Variants in CDADC1 observed in about 807,000 individuals in gnomAD.
The protein encoded by CDADC1 is dCTP deaminase.
In CDADC1, 39 loss-of-function variants were observed where a neutral mutation model predicts 54.9. The observed-to-expected ratio is 0.71, with a 90% CI of 0.55 to 0.93. The LOEUF is 0.93. Ranked by LOEUF, CDADC1 falls within the 40% of genes least tolerant of loss-of-function variation. The pLI, the probability that CDADC1 is intolerant of heterozygous loss-of-function variation, is 0.00. For missense variants in CDADC1, 518 were observed against 618.8 expected, an observed-to-expected ratio of 0.84 and a Z score of 1.73; for synonymous variants, 186 against 204.0, an observed-to-expected ratio of 0.91 and a Z score of 0.75.
chr13:49,283,443 G>A (rs188930150), intron 8 of CDADC1, among the ~76,000 whole-genome samples: 9 of 152,162 alleles, frequency 5.9e-5, no homozygotes, highest in Non-Finnish European at 1.0e-4. Context: ...CTCTACTTCC[G>A]TGTTTTTGTT....
chr13:49,269,056 G>GA (rs904929825), intron 5 of CDADC1, among the ~76,000 whole-genome samples: 10 of 152,084 alleles, frequency 6.6e-5, no homozygotes, highest in African/African-American at 2.2e-4. Flanking sequence ...TGATAAAGGG[G>GA]AAAAAACATA....
chr13:49,286,702 T>G lies in CDADC1; in HGVS notation c.1471+420T>G, dbSNP rs540247400. On this transcript the variant is annotated intron_variant, in intron 9 of 9. Coordinates refer to ENST00000251108, the MANE Select transcript of CDADC1 (RefSeq NM_030911.4). ...AGAGTAAACCCACATTTGCCCAGAT[T>G]GGAAATGTTCTGGTAACTTGAATAA... Among the ~76,000 whole-genome samples the G allele has an allele frequency of 4.6e-5, 7 of 152,318 alleles. No homozygotes were observed. In the East Asian group the frequency reaches 1.2e-3, roughly 25 times the overall value.
intron 4 of CDADC1, among the ~76,000 whole-genome samples, chr13:49,264,646 A>T (rs1253815451): frequency 2.7e-5 from 4 of 150,460 alleles, no homozygotes; most frequent in Admixed American, 2.0e-4. Context: ...TTGGTAGAGT[A>T]TGGGAGTTAG....
In CDADC1 at chr13:49,267,723, G is replaced by T; in HGVS notation, c.664G>T (p.Asp222Tyr). ...FIQKITKTLP[D>Y]ANTDFYYECK... The stretch of plus-strand genomic sequence containing the variant: ...TCAAAAAATTACAAAAACATTGCCG[G>T]ATGCTAACACTGACTTTTATTATGA... Residue 222 changes from aspartate (D) to tyrosine (Y), a missense_variant, in exon 5 of 10, where the codon GAT (aspartate) becomes TAT (tyrosine). Physicochemically the swap from Asp to Tyr is radical, Grantham distance 160 (BLOSUM62 -3). Coordinates refer to ENST00000251108, the MANE Select transcript of CDADC1 (RefSeq NM_030911.4). The T allele has an allele frequency of 1.2e-6, 2 of 1,612,006 alleles. No individual in the cohort carries two copies. Among genetic ancestry groups the T allele is most frequent in the Non-Finnish European group, 1.7e-6 (2 of 1,179,018 alleles).
chr13:49,284,269 TAGA>T (rs1953442309), intron 8 of CDADC1, among the ~76,000 whole-genome samples: 1 of 152,224 alleles, frequency 6.6e-6, no homozygotes, highest in Non-Finnish European at 1.5e-5. Flanking sequence ...ATGCTCATTG[TAGA>T]AGACTAGGAA....
intron 5 of CDADC1, among the ~76,000 whole-genome samples, chr13:49,272,086 T>C (rs1952980436): frequency 6.6e-6 from 1 of 152,202 alleles, no homozygotes; most frequent in Non-Finnish European, 1.5e-5. Flanking sequence ...TAACAAGGTT[T>C]AGTCTGTCCC....
chr13:49,270,395 A>AT (rs1952936341), intron 5 of CDADC1, among the ~76,000 whole-genome samples: 2 of 151,826 alleles, frequency 1.3e-5, no homozygotes, highest in Admixed American at 1.3e-4. Context: ...CCAATTTTTA[A>AT]TTTTTTGTAG....
intron 1 of CDADC1, chr13:49,248,484 C>T: frequency 3.0e-6 from 1 of 333,364 alleles, no homozygotes; most frequent in South Asian, 5.9e-5. Flanking sequence ...GCGCATTTTT[C>T]GGGTTGTGTT....
chr13:49,254,639 G>A (rs1952504807), intron 2 of CDADC1, among the ~76,000 whole-genome samples: 2 of 152,126 alleles, frequency 1.3e-5, no homozygotes, highest in African/African-American at 2.4e-5. Flanking sequence ...TTGACCTCGT[G>A]ATCTGTCCGC....
chr13:49,259,367 G>T lies in CDADC1; in HGVS notation c.274G>T (p.Val92Leu). ...KRQVKRTGLVVVKNMKIVGLH... is the reference protein window; with the variant it reads ...KRQVKRTGLVLVKNMKIVGLH... The stretch of plus-strand genomic sequence containing the variant: ...GTAGGTAAAGAGAACTGGTCTTGTG[G>T]TGGTGAAAAACATGAAAATTGTTGG... Residue 92 changes from valine to leucine, a missense_variant, in exon 4 of 10, where the codon GTG becomes TTG. Val to Leu is a conservative substitution (Grantham distance 32, BLOSUM62 1). Transcript: ENST00000251108. The T allele has an allele frequency of 1.2e-6, 2 of 1,612,436 alleles. No individual in the cohort carries two copies. Among genetic ancestry groups the T allele is most frequent in the Non-Finnish European group, 1.7e-6 (2 of 1,178,888 alleles).
intron 3 of CDADC1, among the ~76,000 whole-genome samples, chr13:49,257,567 G>A (rs9562873): frequency 0.3 from 44,897 of 152,074 alleles, 6,760 homozygotes; most frequent in East Asian, 0.51. Context: ...TCCAGAGATC[G>A]AGACCATCCT....
chr13:49,282,262 G>GTTTTTGTTTTTTT (rs1953372585), intron 8 of CDADC1, among the ~76,000 whole-genome samples: 1 of 45,500 alleles, frequency 2.2e-5, no homozygotes, highest in South Asian at 7.2e-4. Context: ...TTTTGCTTTT[G>GTTTTTGTTTTTTT]TTTTTGTTTT....
At chr13:49,262,814 C>T (rs1405754888) in intron 4 of CDADC1, among the ~76,000 whole-genome samples, 1 of 152,164 alleles carries the variant, frequency 6.6e-6, no homozygotes, top group East Asian at 1.9e-4. Flanking sequence ...AGGCGTGAAC[C>T]ACTGCACCCA....
chr13:49,269,494 A>G (rs1952910421), intron 5 of CDADC1, among the ~76,000 whole-genome samples: 1 of 152,190 alleles, frequency 6.6e-6, no homozygotes, highest in African/African-American at 2.4e-5. Flanking sequence ...TTGATTCTGT[A>G]GGCACACATT....
rs1345728460 is a variant in CDADC1 at position 49,292,611 on chromosome 13, C to A, written c.*854C>A. The stretch of plus-strand genomic sequence containing the variant: ...TGGCTTTGATCTTCAAAAGGAAGAG[C>A]CTTTTAAAAACATTTGCCAACCTCA... On this transcript the variant is annotated 3_prime_UTR_variant, in exon 10 of 10. Transcript: ENST00000251108. 4 of 1,163,542 alleles carry A rather than the reference C, an allele frequency of 3.4e-6. No homozygotes were observed. Among genetic ancestry groups the A allele is most frequent in the African/African-American group, 3.2e-5 (2 of 61,940 alleles). The allele number at this position is 1,163,542 out of a possible 1,614,324, so 72.1% of individuals were successfully genotyped here.
At chr13:49,254,777 C>T (rs1283992909) in intron 2 of CDADC1, among the ~76,000 whole-genome samples, 1 of 152,172 alleles carries the variant, frequency 6.6e-6, no homozygotes, top group Non-Finnish European at 1.5e-5. Context: ...AGTCACTTTC[C>T]TGTTTTCATA....
chr13:49,268,768 CATT>C (rs536131666), intron 5 of CDADC1, among the ~76,000 whole-genome samples: 25 of 152,262 alleles, frequency 1.6e-4, no homozygotes, highest in African/African-American at 4.6e-4. Flanking sequence ...TTTACAATAA[CATT>C]AATTCAAAAT....
intron 6 of CDADC1, among the ~76,000 whole-genome samples, chr13:49,276,900 A>C (rs1953155133): frequency 6.6e-6 from 1 of 152,188 alleles, no homozygotes; most frequent in Admixed American, 6.5e-5. Flanking sequence ...AATGCTCAGC[A>C]GACTTTTGGC....
intron 8 of CDADC1, among the ~76,000 whole-genome samples, chr13:49,283,525 G>GACTT (rs1326428706): frequency 6.6e-6 from 1 of 152,140 alleles, no homozygotes; most frequent in African/African-American, 2.4e-5. Context: ...AAGATTAAGT[G>GACTT]ACTTAATCAT....
Sources: gnomAD v4.1 joint callset for allele counts (sites outside exome capture counted in the v4.1 genomes callset) on GRCh38, gnomAD v4.1.1 for gene constraint, MANE v1.5 for transcripts, NCBI Gene and HGNC (gene_info 2026-07-23, HGNC 2026-07-21) for gene names.